FOXP1: variants seen among roughly 807,000 people sequenced by gnomAD.
FOXP1 encodes forkhead box protein P1.
A neutral mutation model predicts 98.2 loss-of-function variants in FOXP1; 15 were observed. The observed-to-expected ratio is 0.15, with a 90% confidence interval of 0.10 to 0.24. FOXP1 has a LOEUF of 0.24. FOXP1 is among the 10% of genes least tolerant of loss of function. FOXP1 has a pLI of 1.00. For missense variants in FOXP1, 633 were observed against 848.5 expected (o/e 0.75, Z 3.15); for synonymous variants, 371 against 314.5 (o/e 1.18, Z -1.90).
intron 3 of FOXP1, among the ~76,000 whole-genome samples, chr3:71,361,966 A>G (rs1205963090): frequency 6.6e-6 from 1 of 152,210 alleles, no homozygotes; most frequent in Admixed American, 6.5e-5. Flanking sequence ...TCTGCCCCAT[A>G]TATCGTCAAG....
At chr3:71,282,620 A>G (rs535803606) in intron 5 of FOXP1, among the ~76,000 whole-genome samples, 1 of 152,254 alleles carries the variant, frequency 6.6e-6, no homozygotes, top group East Asian at 1.9e-4. Flanking sequence ...TGCAGGAAAA[A>G]AAAAGGCTTC....
At chr3:71,379,298 AC>A (rs2079964513) in intron 3 of FOXP1, among the ~76,000 whole-genome samples, 1 of 152,210 alleles carries the variant, frequency 6.6e-6, no homozygotes, top group Non-Finnish European at 1.5e-5. Context: ...AGGCATAGCA[AC>A]AAATTACACT....
At chr3:71,257,785 CT>C (rs1168009298) in intron 5 of FOXP1, among the ~76,000 whole-genome samples, 2 of 152,072 alleles carry the variant, frequency 1.3e-5, no homozygotes, top group Non-Finnish European at 2.9e-5. Flanking sequence ...ACAACATGGA[CT>C]TTTAGAAGCA....
chr3:71,127,640 A>G (rs905355303), intron 6 of FOXP1, among the ~76,000 whole-genome samples: 1 of 152,202 alleles, frequency 6.6e-6, no homozygotes, highest in African/African-American at 2.4e-5. Context: ...AATGCTTCTC[A>G]TGATCTCTAG....
At chr3:71,242,864 G>T (rs2106929541) in intron 5 of FOXP1, among the ~76,000 whole-genome samples, 1 of 151,680 alleles carries the variant, frequency 6.6e-6, no homozygotes, top group South Asian at 2.1e-4. Context: ...TTTAAAGAAA[G>T]TAGCTTTTCA....
At chr3:71,088,242 G>T in intron 7 of FOXP1, among the ~76,000 whole-genome samples, 1 of 152,180 alleles carries the variant, frequency 6.6e-6, no homozygotes, top group East Asian at 1.9e-4. Flanking sequence ...CCCTCACTCA[G>T]TCAAGGTCTC....
chr3:71,300,774 G>A (rs1054098332), intron 4 of FOXP1, among the ~76,000 whole-genome samples: 5 of 152,240 alleles, frequency 3.3e-5, no homozygotes, highest in East Asian at 1.9e-4. Context: ...TTAAGGTGGC[G>A]AAATCATATC....
intron 3 of FOXP1, among the ~76,000 whole-genome samples, chr3:71,459,787 T>A (rs2087848508): frequency 6.6e-6 from 1 of 152,230 alleles, no homozygotes; most frequent in Non-Finnish European, 1.5e-5. Context: ...ATGAGATAAT[T>A]AATCAGTGTG....
intron 7 of FOXP1, among the ~76,000 whole-genome samples, chr3:71,107,963 A>C (rs902817860): frequency 2.0e-5 from 3 of 152,194 alleles, no homozygotes; most frequent in African/African-American, 7.2e-5. Context: ...AGTGGACTAA[A>C]GGGCCGGCCT....
intron 3 of FOXP1, among the ~76,000 whole-genome samples, chr3:71,453,179 T>C (rs2108506952): frequency 6.6e-6 from 1 of 152,304 alleles, no homozygotes; most frequent in South Asian, 2.1e-4. Context: ...TTTGGGCCAG[T>C]ATCAGGGTAT....
intron 14 of FOXP1, among the ~76,000 whole-genome samples, chr3:70,984,108 G>A (rs1280316739): frequency 6.6e-6 from 1 of 152,206 alleles, no homozygotes; most frequent in Non-Finnish European, 1.5e-5. Flanking sequence ...CATTCTAAAT[G>A]TAAGAACTGC....
At chr3:71,414,709 A>C (rs189119521) in intron 3 of FOXP1, among the ~76,000 whole-genome samples, 49 of 152,330 alleles carry the variant, frequency 3.2e-4, no homozygotes, top group Admixed American at 5.2e-4. Context: ...CCTCAAAGGC[A>C]CCTCTTAGGA....
intron 6 of FOXP1, among the ~76,000 whole-genome samples, chr3:71,114,579 G>A (rs1029256741): frequency 6.6e-6 from 1 of 152,222 alleles, no homozygotes; most frequent in Admixed American, 6.5e-5. Context: ...ATGGGAAAGT[G>A]GAACCCTGCT....
intron 6 of FOXP1, among the ~76,000 whole-genome samples, chr3:71,180,887 T>A (rs2108279217): frequency 6.6e-6 from 1 of 152,320 alleles, no homozygotes; most frequent in East Asian, 1.9e-4. Flanking sequence ...CATTTGTGTG[T>A]GGGGCCCCTT....
chr3:71,176,033 G>A (rs931939702), intron 6 of FOXP1, among the ~76,000 whole-genome samples: 1 of 152,140 alleles, frequency 6.6e-6, no homozygotes, highest in African/African-American at 2.4e-5. Context: ...AACTTCAAAA[G>A]GACTAACTCA....
At chr3:71,057,360 A>G (rs544290310) in intron 7 of FOXP1, among the ~76,000 whole-genome samples, 2 of 109,908 alleles carry the variant, frequency 1.8e-5, no homozygotes, top group South Asian at 6.5e-4. Flanking sequence ...AACCTCCTTG[A>G]GATAACAACA....
At chr3:70,992,022 A>AG (rs982514636) in intron 13 of FOXP1, among the ~76,000 whole-genome samples, 6 of 152,068 alleles carry the variant, frequency 3.9e-5, no homozygotes, top group African/African-American at 1.4e-4. Flanking sequence ...TCTCCATGGA[A>AG]GGGGGGCACA....
chr3:71,578,482 C>A (rs908217442), intron 2 of FOXP1, among the ~76,000 whole-genome samples: 1 of 152,174 alleles, frequency 6.6e-6, no homozygotes, highest in African/African-American at 2.4e-5. Flanking sequence ...TAACACCTAA[C>A]CTTGTCTAAA....
chr3:71,406,705 C>T (rs900457389), intron 3 of FOXP1, among the ~76,000 whole-genome samples: 7 of 152,032 alleles, frequency 4.6e-5, no homozygotes, highest in African/African-American at 1.7e-4. Context: ...ATACCATATT[C>T]CCAGATCCAA....
Sources: gnomAD v4.1 joint callset for allele counts (sites outside exome capture counted in the v4.1 genomes callset) on GRCh38, gnomAD v4.1.1 for gene constraint, MANE v1.5 for transcripts, NCBI Gene and HGNC (gene_info 2026-07-23, HGNC 2026-07-21) for gene names.